TIMD4: variants seen among roughly 807,000 people sequenced by gnomAD.
TIMD4 encodes the protein T cell immunoglobulin and mucin domain containing 4.
TIMD4 carries 31 observed loss-of-function variants against 41.2 expected under a neutral mutation model. The observed-to-expected ratio is 0.75, with a 90% CI of 0.57 to 1.01. The LOEUF is 1.01. TIMD4 is among the 50% of genes least tolerant of loss of function. The pLI is 0.00. For missense variants in TIMD4, 479 were observed against 472.5 expected (o/e 1.01, Z -0.13); for synonymous variants, 204 against 177.1 (o/e 1.15, Z -1.21).
At chr5:156,942,033 G>A (rs116013656) in intron 5 of TIMD4, among the ~76,000 whole-genome samples, 13 of 152,216 alleles carry the variant, frequency 8.5e-5, no homozygotes, top group Non-Finnish European at 1.5e-4. Flanking sequence ...CTTGTCCCTG[G>A]GACCAAGAAA....
intron 2 of TIMD4, among the ~76,000 whole-genome samples, chr5:156,953,760 G>C (rs2113388250): frequency 6.6e-6 from 1 of 151,902 alleles, no homozygotes; most frequent in Non-Finnish European, 1.5e-5. Context: ...GATCCTCCAG[G>C]TGACACTGAT....
intron 2 of TIMD4, among the ~76,000 whole-genome samples, chr5:156,953,800 A>C (rs1484770036): frequency 6.6e-6 from 1 of 152,184 alleles, no homozygotes; most frequent in African/African-American, 2.4e-5. Flanking sequence ...CATTTTGGGA[A>C]GCTCTATACT....
In TIMD4 at chr5:156,951,579, G is replaced by A; in HGVS notation, c.612C>T (p.Thr204=). 1 of 1,614,170 alleles carries A rather than the reference G, an allele frequency of 6.2e-7. No homozygotes were observed. The highest frequency in any genetic ancestry group is 1.7e-5 in the Admixed American group (1 of 60,024). ...ANTCLSLTPS[T]LPEEATGLLT... Reference sequence around the variant, plus strand: ...GAAGACCTGTGGCTTCCTCCGGAAGGGTGCTTGGGGTTAGTGAAAGGCACG... The same window carrying A: ...GAAGACCTGTGGCTTCCTCCGGAAGAGTGCTTGGGGTTAGTGAAAGGCACG... The change falls in exon 3 of 9, where the codon ACC becomes ACT. Residue 204 remains threonine (T), a synonymous_variant. Coordinates refer to ENST00000274532, the MANE Select transcript of TIMD4 (RefSeq NM_138379.3).
At position 156,944,495 on chromosome 5, in the gene TIMD4, C is replaced by CTT. The variant is rs5872492; in HGVS notation, c.844+3919_844+3920dup. On this transcript the variant is annotated intron_variant, in intron 5 of 8. Transcript: ENST00000274532. ...CTCTCCCGCTGTTCAGCTGTGTGATCTTTTTTTTTTTTTTTTTTTTTTTTT... is the reference window on the plus strand; with the variant it reads ...CTCTCCCGCTGTTCAGCTGTGTGATCTTTTTTTTTTTTTTTTTTTTTTTTTTT... Among the ~76,000 whole-genome samples, 135 of 69,118 alleles carry CTT rather than the reference C, an allele frequency of 2.0e-3. 3 individuals carry two copies. The highest frequency in any genetic ancestry group is 3.2e-3 in the South Asian group (4 of 1,258). The allele number at this position is 69,118 out of a possible 152,430, so 45.3% of individuals were successfully genotyped here. A position where few individuals can be genotyped will look rare whatever the true frequency, so the allele number is the denominator to read the frequency against.
At position 156,954,671 on chromosome 5, in the gene TIMD4, G is replaced by C. The variant is rs766687980; in HGVS notation, c.144C>G (p.Asn48Lys). 4 of 1,614,222 alleles carry C rather than the reference G, an allele frequency of 2.5e-6. No homozygotes were observed. In the East Asian group the frequency reaches 8.9e-5, roughly 36 times the overall value. ...CTTTCCCCCAGCACATGCTGTTGCTGTTGTGAGACCAGGATGAGTACAGAC... is the reference window on the plus strand; with the variant it reads ...CTTTCCCCCAGCACATGCTGTTGCTCTTGTGAGACCAGGATGAGTACAGAC... Reference protein sequence around the residue: ...LPCLYSSWSHNSNSMCWGKDQ... With the variant: ...LPCLYSSWSHKSNSMCWGKDQ... The change falls in exon 2 of 9, where the codon AAC becomes AAG. Residue 48 changes from asparagine (N) to lysine (K), a missense_variant. Asn to Lys is a moderately conservative substitution (Grantham distance 94). Transcript: ENST00000274532.
chr5:156,946,940 G>A (rs550133041), intron 5 of TIMD4, among the ~76,000 whole-genome samples: 1 of 151,072 alleles, frequency 6.6e-6, no homozygotes, highest in Non-Finnish European at 1.5e-5. Flanking sequence ...GCTCATGCCT[G>A]CAACCCCAGC....
At chr5:156,949,101 AATCGTGATGCCAAT>A (rs1759801940) in intron 4 of TIMD4, among the ~76,000 whole-genome samples, 1 of 152,176 alleles carries the variant, frequency 6.6e-6, no homozygotes, top group Non-Finnish European at 1.5e-5. Flanking sequence ...CTAGCACCCC[AATCGTGATGCCAAT>A]CGTGTCTTAT....
Position 156,954,634 on chromosome 5 carries a change from A to G in TIMD4, c.181T>C (p.Tyr61His). The G allele has an allele frequency of 1.2e-6, 2 of 1,614,228 alleles. No homozygotes were observed. Among genetic ancestry groups the G allele is most frequent in the Middle Eastern group, 1.6e-4 (1 of 6,062 alleles). Residue 61 changes from tyrosine (Y) to histidine (H), a missense_variant, in exon 2 of 9, where the codon TAC becomes CAC. Tyr to His is a moderately conservative substitution (Grantham distance 83). Transcript: ENST00000274532. ...ATGAGCGCCTCCTTGCAACCGGAGT[A>G]GGGGCACTGGTCTTTCCCCCAGCAC... ...SMCWGKDQCP[Y>H]SGCKEALIRT...
chr5:156,945,618 T>C (rs1759725451), intron 5 of TIMD4, among the ~76,000 whole-genome samples: 1 of 152,134 alleles, frequency 6.6e-6, no homozygotes, highest in Admixed American at 6.5e-5. Context: ...AGAGAGGAAG[T>C]AGGGAGTGAA....
intron 5 of TIMD4, among the ~76,000 whole-genome samples, chr5:156,930,362 G>A (rs558196068): frequency 8.8e-4 from 134 of 152,314 alleles, no homozygotes; most frequent in African/African-American, 3.0e-3. Flanking sequence ...CAATGTGATG[G>A]AGGTTGGACA....
chr5:156,948,335 AAAAG>A (rs1581627607), intron 5 of TIMD4, 77 bp downstream of exon 5: 1 of 887,850 alleles, frequency 1.1e-6, no homozygotes, highest in East Asian at 4.1e-5. Context: ...AAAAAAAAAA[AAAAG>A]CAAGATTCTG....
chr5:156,944,196 C>T (rs918940863), intron 5 of TIMD4, among the ~76,000 whole-genome samples: 7 of 152,134 alleles, frequency 4.6e-5, no homozygotes, highest in Admixed American at 3.3e-4. Context: ...GTCATATTTT[C>T]ATGTGAGTTG....
rs759578765 is a variant in TIMD4, at chr5:156,951,829, A to G, written c.401-39T>C. On this transcript the variant is annotated intron_variant, in intron 2 of 8. Coordinates refer to ENST00000274532, the MANE Select transcript of TIMD4 (RefSeq NM_138379.3). ...CAGACATGTTTGGCACCAAGCGGAG[A>G]TGGAGGAAAAAGAAAATAATGCAAG... 4 of 1,609,934 alleles carry G rather than the reference A, an allele frequency of 2.5e-6. No homozygotes were observed. In the South Asian group the frequency reaches 3.3e-5, roughly 13 times the overall value.
intron 1 of TIMD4, among the ~76,000 whole-genome samples, chr5:156,961,881 T>G (rs1458770976): frequency 1.1e-5 from 1 of 88,496 alleles, no homozygotes; most frequent in Non-Finnish European, 2.5e-5. Context: ...CACAGTAGAA[T>G]ATTCAGCCAT....
At chr5:156,922,266 C>T in intron 6 of TIMD4, 50 bp from the exon 7 acceptor site, 1 of 1,406,058 alleles carries the variant, frequency 7.1e-7, no homozygotes, top group Non-Finnish European at 1.0e-6. Context: ...TAGATGCCAC[C>T]CTCACAAGAT....
Position 156,954,671 on chromosome 5 carries a change from G to A in TIMD4, c.144C>T (p.Asn48=), listed in dbSNP as rs766687980. 1.9e-6 allele frequency: 3 copies of A among 1,614,222 alleles called. No homozygotes were observed. Among genetic ancestry groups the A allele is most frequent in the Non-Finnish European group, 2.5e-6 (3 of 1,180,046 alleles). ...LPCLYSSWSH[N]SNSMCWGKDQ... is the part of the protein sequence containing the mutation. ...CTTTCCCCCAGCACATGCTGTTGCT[G>A]TTGTGAGACCAGGATGAGTACAGAC... Residue 48 remains asparagine, a synonymous_variant, in exon 2 of 9, where the codon AAC becomes AAT. Transcript: ENST00000274532.
intron 5 of TIMD4, among the ~76,000 whole-genome samples, chr5:156,926,937 G>T (rs1283128865): frequency 1.3e-5 from 2 of 152,142 alleles, no homozygotes; most frequent in Admixed American, 6.5e-5. Context: ...GAGTTACAAG[G>T]GAACCATACT....
chr5:156,942,562 T>C (rs1242265386), intron 5 of TIMD4, among the ~76,000 whole-genome samples: 1 of 152,202 alleles, frequency 6.6e-6, no homozygotes, highest in Non-Finnish European at 1.5e-5. Context: ...CTTGGATAAA[T>C]CATTCTACAT....
intron 7 of TIMD4, 97 bp downstream of exon 7, chr5:156,922,002 G>T: frequency 2.2e-6 from 2 of 890,488 alleles, no homozygotes; most frequent in Non-Finnish European, 3.4e-6. Flanking sequence ...GAGCCTCTTT[G>T]GGGAGGGATA....
Sources: gnomAD v4.1 joint callset for allele counts (sites outside exome capture counted in the v4.1 genomes callset) on GRCh38, gnomAD v4.1.1 for gene constraint, MANE v1.5 for transcripts, NCBI Gene and HGNC (gene_info 2026-07-23, HGNC 2026-07-21) for gene names.